BMP2K: variants seen among roughly 807,000 people sequenced by gnomAD.
BMP2K encodes the protein BMP2 inducible kinase, also known as BMP-2-inducible protein kinase.
Under a neutral mutation model 116.0 loss-of-function variants are expected in BMP2K, and 74 were observed. The ratio of observed to expected loss-of-function variants is 0.64; its 90% confidence interval spans 0.53 to 0.77. The LOEUF (loss-of-function observed/expected upper bound fraction) is 0.77, where lower values mean the gene tolerates loss of function less well. BMP2K is among the 30% of genes least tolerant of loss of function. The pLI is 0.00. For synonymous variants in BMP2K, 486 were observed against 502.5 expected (o/e 0.97, Z 0.44); for missense variants, 1,365 against 1,403.6 (o/e 0.97, Z 0.44).
chr4:78,869,221 C>T (rs568250064), intron 10 of BMP2K, among the ~76,000 whole-genome samples: 1 of 152,298 alleles, frequency 6.6e-6, no homozygotes, highest in Admixed American at 6.5e-5. Context: ...CAAATGGAAG[C>T]TGCTAAGGGT....
At chr4:78,802,872 C>T (rs562149396) in intron 1 of BMP2K, among the ~76,000 whole-genome samples, 1 of 151,152 alleles carries the variant, frequency 6.6e-6, no homozygotes, top group South Asian at 2.1e-4. Context: ...TTTTTTGAGG[C>T]AGAGTCTTGC....
chr4:78,911,738 G>A lies in BMP2K; in HGVS notation c.3191G>A (p.Ser1064Asn). Reference protein sequence around the residue: ...DRGNVLQPEESLLDPFGAKPF... With the variant: ...DRGNVLQPEENLLDPFGAKPF... The stretch of plus-strand genomic sequence containing the variant: ...GGGAATGTCTTACAACCTGAGGAGA[G>A]CCTGTTGGACCCCTTCGGTGCCAAG... The change falls in exon 16 of 16, where the codon AGC (serine) becomes AAC (asparagine). Residue 1064 changes from serine to asparagine, a missense_variant. Around this residue, in one of 3 missense-constraint regions of BMP2K, gnomAD observed 596 missense variants for 623.2 expected, o/e 0.96. Coordinates refer to ENST00000502613, the MANE Select transcript of BMP2K (RefSeq NM_198892.2). 3 of 1,613,938 alleles carry A rather than the reference G, an allele frequency of 1.9e-6. No homozygotes were observed. The highest frequency in any genetic ancestry group is 1.7e-6 in the Non-Finnish European group (2 of 1,179,876).
At position 78,827,566 on chromosome 4, in the gene BMP2K, C is replaced by T. The variant is rs78387394; in HGVS notation, c.297+1411C>T. On this transcript the variant is annotated intron_variant, in intron 2 of 15. Coordinates refer to ENST00000502613, the MANE Select transcript of BMP2K (RefSeq NM_198892.2). ...TATGTGTGCTCATAGACACATAGCA[C>T]ACCTGCTTGCTGATTCCAGTGACCT... Among the ~76,000 whole-genome samples the T allele has an allele frequency of 1.5e-4, 23 of 152,274 alleles. No individual in the cohort carries two copies. The East Asian group carries it at 4.2e-3, about 28-fold the overall frequency.
chr4:78,835,083 A>G (rs900740310), intron 3 of BMP2K, among the ~76,000 whole-genome samples: 1 of 152,212 alleles, frequency 6.6e-6, no homozygotes, highest in Non-Finnish European at 1.5e-5. Flanking sequence ...TGAATCAAGC[A>G]TAATCATAAC....
chr4:78,887,211 A>G lies in BMP2K; in HGVS notation c.1989A>G (p.Val663=). ...AGAGAGCATCCTCAGATAAGAATGT[A>G]GACTCACTTTCTGCTCCACATAACC... is the stretch of plus-strand genomic sequence containing the variant. ...LEERASSDKN[V]DSLSAPHNHP... The change falls in exon 15 of 16, where the codon GTA becomes GTG. Residue 663 remains valine, a synonymous_variant. Coordinates refer to ENST00000502613, the MANE Select transcript of BMP2K (RefSeq NM_198892.2). 1 of 1,611,558 alleles carries G rather than the reference A, an allele frequency of 6.2e-7. No homozygotes were observed. The highest frequency in any genetic ancestry group is 8.5e-7 in the Non-Finnish European group (1 of 1,178,816).
chr4:78,898,441 G>T (rs909159038), intron 15 of BMP2K, among the ~76,000 whole-genome samples: 1 of 151,562 alleles, frequency 6.6e-6, no homozygotes, highest in Non-Finnish European at 1.5e-5. Context: ...GTTATATATT[G>T]AATTAAACTG....
chr4:78,856,531 A>G (rs558217590), intron 7 of BMP2K, among the ~76,000 whole-genome samples: 1 of 152,064 alleles, frequency 6.6e-6, no homozygotes, highest in Admixed American at 6.6e-5. Flanking sequence ...TTTTTTTTAA[A>G]TTGCTGATAA....
At chr4:78,859,750 A>C in intron 8 of BMP2K, 63 bp downstream of exon 8, 1 of 1,158,014 alleles carries the variant, frequency 8.6e-7, no homozygotes, top group Non-Finnish European at 1.2e-6. Context: ...GAATATATTT[A>C]CTTTCAGAGT....
At chr4:78,846,570 GT>G (rs1276651475) in intron 5 of BMP2K, among the ~76,000 whole-genome samples, 1 of 151,486 alleles carries the variant, frequency 6.6e-6, no homozygotes, top group Non-Finnish European at 1.5e-5. Flanking sequence ...AAATATGGGG[GT>G]TTTCTATTGG....
chr4:78,910,684 A>G lies in BMP2K; in HGVS notation c.2137A>G (p.Lys713Glu). ...NGTANPIKNGKTSPASKDQRT... is the reference protein window; with the variant it reads ...NGTANPIKNGETSPASKDQRT... ...CACTGCAAACCCTATCAAGAACGGTAAAACAAGTCCAGCATCTAAAGATCA... is the reference window on the plus strand; with the variant it reads ...CACTGCAAACCCTATCAAGAACGGTGAAACAAGTCCAGCATCTAAAGATCA... The change falls in exon 16 of 16, where the codon AAA becomes GAA. Residue 713 changes from lysine (K) to glutamate (E), a missense_variant. Lys to Glu is a moderately conservative substitution (Grantham distance 56). Coordinates refer to ENST00000502613, the MANE Select transcript of BMP2K (RefSeq NM_198892.2). The G allele has an allele frequency of 6.2e-7, 1 of 1,608,830 alleles. No individual in the cohort carries two copies. The highest frequency in any genetic ancestry group is 8.5e-7 in the Non-Finnish European group (1 of 1,178,398).
chr4:78,859,936 A>G (rs1731690050), intron 8 of BMP2K: 1 of 558,330 alleles, frequency 1.8e-6, no homozygotes, highest in South Asian at 1.8e-5. Context: ...AGGAAAACAC[A>G]GGGACATCTT....
intron 3 of BMP2K, among the ~76,000 whole-genome samples, chr4:78,834,553 G>A (rs1020567783): frequency 2.0e-5 from 3 of 152,036 alleles, no homozygotes; most frequent in South Asian, 2.1e-4. Flanking sequence ...GAGCTACCGC[G>A]TCTGTCCTTA....
chr4:78,896,792 A>G lies in BMP2K; in HGVS notation c.2062+9508A>G, dbSNP rs578008100. Among the ~76,000 whole-genome samples, 9 of 152,322 alleles carry G rather than the reference A, an allele frequency of 5.9e-5. No homozygotes were observed. In the East Asian group the frequency reaches 1.5e-3, roughly 26 times the overall value. ...GCAAATCCATCAAGAAGAGTTTGCA[A>G]TATTTTAAATAATTCTTTATTGAAT... On this transcript the variant is annotated intron_variant, in intron 15 of 15. Transcript: ENST00000502613.
At chr4:78,845,082 G>T (rs757856987) in intron 5 of BMP2K, 33 bp downstream of exon 5, 20 of 1,523,864 alleles carry the variant, frequency 1.3e-5, no homozygotes, top group Non-Finnish European at 1.7e-5. Context: ...CTTTTGTCAT[G>T]GTAATTTTAA....
intron 3 of BMP2K, among the ~76,000 whole-genome samples, chr4:78,839,916 G>C (rs1055664270): frequency 1.3e-5 from 2 of 152,070 alleles, no homozygotes; most frequent in African/African-American, 4.8e-5. Context: ...CCGGCCCGCT[G>C]ACTCAAATGT....
intron 2 of BMP2K, among the ~76,000 whole-genome samples, chr4:78,832,382 A>G (rs1006402868): frequency 1.3e-5 from 2 of 152,132 alleles, no homozygotes; most frequent in Non-Finnish European, 2.9e-5. Context: ...CTTATTTTGT[A>G]TCAACGTCTT....
intron 1 of BMP2K, among the ~76,000 whole-genome samples, chr4:78,822,110 A>G (rs1250084707): frequency 2.6e-5 from 4 of 152,186 alleles, no homozygotes; most frequent in African/African-American, 7.2e-5. Flanking sequence ...TATTACTACC[A>G]TACTACAGTG....
In BMP2K at chr4:78,842,488, GCATCAGTGTAA is replaced by G; in HGVS notation, c.508_518del (p.His170AspfsTer17). The G allele has an allele frequency of 6.2e-7, 1 of 1,606,896 alleles. No individual in the cohort carries two copies. Among genetic ancestry groups the G allele is most frequent in the East Asian group, 2.2e-5 (1 of 44,798 alleles). On this transcript the variant is annotated frameshift_variant, in exon 4 of 16. Transcript: ENST00000502613. LOFTEE classifies it high-confidence loss of function. ...ATACCTGTGAAGCTGTTGCAAGGTT[GCATCAGTGTAA>G]GACTCCAATAATTCACCGGGATCTG...
chr4:78,833,716 AT>A, intron 3 of BMP2K, 29 bp downstream of exon 3: 1 of 1,508,554 alleles, frequency 6.6e-7, no homozygotes, highest in Non-Finnish European at 9.1e-7. Flanking sequence ...TTGTACTGTA[AT>A]AAAAAGTTTC....
Sources: gnomAD v4.1 joint callset for allele counts (sites outside exome capture counted in the v4.1 genomes callset) on GRCh38, gnomAD v4.1.1 for gene constraint, gnomAD v4.1.1 regional missense constraint, MANE v1.5 for transcripts, NCBI Gene and HGNC (gene_info 2026-07-23, HGNC 2026-07-21) for gene names.